Variants in PI4KA observed in about 807,000 individuals in gnomAD.
PI4KA encodes the protein phosphatidylinositol 4-kinase alpha.
PI4KA carries 122 observed loss-of-function variants against 271.4 expected under a neutral mutation model. The ratio of observed to expected loss-of-function variants is 0.45; its 90% CI spans 0.39 to 0.52. The LOEUF is 0.52. PI4KA is among the 20% of genes least tolerant of loss of function. The pLI is 0.00. For synonymous variants in PI4KA, 1,041 were observed against 1,078.8 expected (o/e 0.96, Z 0.69); for missense variants, 1,969 against 2,769.1 (o/e 0.71, Z 6.48).
Position 20,799,829 on chromosome 22 carries a change from T to A in PI4KA, c.1725-63A>T. 1.0e-5 allele frequency: 11 copies of A among 1,052,114 alleles called. No homozygotes were observed. The South Asian group carries it at 1.5e-4, about 14-fold the overall frequency. 65.2% of individuals were successfully genotyped at this position (1,052,114 alleles called of 1,614,324 possible). A position where few individuals can be genotyped will look rare whatever the true frequency, so the allele number is the denominator to read the frequency against. On this transcript the variant is annotated intron_variant, in intron 14 of 54. Transcript: ENST00000255882. ...AAACCAAGATAGGTTTTTTGTTTTT[T>A]AATTTTTCCTTCCTTAGGCCTACAA... is the stretch of plus-strand genomic sequence containing the variant.
intron 42 of PI4KA, chr22:20,725,577 GGA>G (rs1927245491): frequency 2.2e-6 from 1 of 450,168 alleles, no homozygotes; most frequent in Non-Finnish European, 4.5e-6. Flanking sequence ...GACCCTGTAA[GGA>G]CTCAGGGAGA....
At chr22:20,798,138 G>A (rs1416122779) in intron 17 of PI4KA, among the ~76,000 whole-genome samples, 1 of 152,198 alleles carries the variant, frequency 6.6e-6, no homozygotes, top group African/African-American at 2.4e-5. Context: ...GATGCTCAGA[G>A]ATATGTAGCT....
At chr22:20,824,762 ACACACACAC>A (rs1923167323) in intron 3 of PI4KA, among the ~76,000 whole-genome samples, 1 of 151,504 alleles carries the variant, frequency 6.6e-6, no homozygotes, top group Admixed American at 6.6e-5. Flanking sequence ...ACACACACAC[ACACACACAC>A]ACACACACAA....
At chr22:20,739,922 C>A (rs1001388682) in intron 32 of PI4KA, among the ~76,000 whole-genome samples, 16 of 152,108 alleles carry the variant, frequency 1.1e-4, no homozygotes, top group African/African-American at 3.9e-4. Flanking sequence ...ATTAGCCAGG[C>A]ATGATGGCTG....
intron 2 of PI4KA, among the ~76,000 whole-genome samples, chr22:20,837,627 C>T (rs935111170): frequency 2.6e-5 from 4 of 151,610 alleles, no homozygotes; most frequent in Non-Finnish European, 1.5e-5. Context: ...CCTAACACAG[C>T]ATAATTAACT....
intron 3 of PI4KA, among the ~76,000 whole-genome samples, chr22:20,830,793 C>CA: frequency 6.6e-6 from 1 of 152,076 alleles, no homozygotes; most frequent in Admixed American, 6.6e-5. Flanking sequence ...TTTTTTGAGA[C>CA]AGAGTTTCAT....
chr22:20,815,910 G>A (rs1271202237), intron 7 of PI4KA, among the ~76,000 whole-genome samples: 1 of 151,960 alleles, frequency 6.6e-6, no homozygotes, highest in East Asian at 1.9e-4. Context: ...TAACATTTGG[G>A]ATTTACGCAG....
intron 28 of PI4KA, among the ~76,000 whole-genome samples, chr22:20,748,659 G>C (rs116584125): frequency 1.5e-3 from 228 of 152,336 alleles, no homozygotes; most frequent in African/African-American, 5.3e-3. Flanking sequence ...CCCTTAAGAA[G>C]AAATGTACAG....
At chr22:20,847,371 G>T (rs1001401867) in intron 1 of PI4KA, among the ~76,000 whole-genome samples, 1 of 152,176 alleles carries the variant, frequency 6.6e-6, no homozygotes, top group Non-Finnish European at 1.5e-5. Context: ...AGGATTGCTT[G>T]AACCCAGGAG....
At chr22:20,758,475 T>C (rs1485453750) in intron 23 of PI4KA, among the ~76,000 whole-genome samples, 3 of 148,782 alleles carry the variant, frequency 2.0e-5, no homozygotes, top group Non-Finnish European at 4.5e-5. Flanking sequence ...TTTTTTTTTT[T>C]TTGCTCATTA....
intron 1 of PI4KA, among the ~76,000 whole-genome samples, chr22:20,854,016 G>C (rs1159755238): frequency 6.6e-6 from 1 of 151,712 alleles, no homozygotes; most frequent in Non-Finnish European, 1.5e-5. Flanking sequence ...TAGCAAGGCT[G>C]ACTTGCTGCT....
At chr22:20,854,830 C>T (rs771568412) in intron 1 of PI4KA, among the ~76,000 whole-genome samples, 4 of 152,106 alleles carry the variant, frequency 2.6e-5, no homozygotes, top group Non-Finnish European at 5.9e-5. Context: ...ATCTCAGGTG[C>T]GTACTCTAAA....
intron 19 of PI4KA, among the ~76,000 whole-genome samples, chr22:20,777,373 C>G (rs954915822): frequency 6.6e-6 from 1 of 152,024 alleles, no homozygotes; most frequent in East Asian, 1.9e-4. Flanking sequence ...TGCGCCACCA[C>G]GCCGGCTAAT....
In PI4KA at chr22:20,779,330, C is replaced by T. The variant is rs17819104; in HGVS notation, c.2329-13637G>A. ...CCGCCAAAATGAAACACTCATTAAA[C>T]GCACTTCTCATTTTCCTCATCATAA... is the stretch of plus-strand genomic sequence containing the variant. On this transcript the variant is annotated intron_variant, in intron 19 of 54. Coordinates refer to ENST00000255882, the MANE Select transcript of PI4KA (RefSeq NM_058004.4). The T allele has an allele frequency of 1.2e-3, 2,001 of 1,614,210 alleles. 31 individuals carry two copies. The East Asian group carries it at 0.03, about 24-fold the overall frequency.
intron 50 of PI4KA, among the ~76,000 whole-genome samples, chr22:20,712,043 G>C (rs551727662): frequency 6.8e-6 from 1 of 147,852 alleles, no homozygotes; most frequent in Admixed American, 6.8e-5. Context: ...CGCCCGGCCA[G>C]GTGCCCTGGT....
chr22:20,851,125 C>T (rs979084422), intron 1 of PI4KA, among the ~76,000 whole-genome samples: 3 of 151,922 alleles, frequency 2.0e-5, no homozygotes, highest in Non-Finnish European at 2.9e-5. Flanking sequence ...TTTGCGAGGC[C>T]GAAGTGGGCA....
intron 1 of PI4KA, among the ~76,000 whole-genome samples, chr22:20,853,906 T>C (rs1429820463): frequency 2.0e-5 from 3 of 148,082 alleles, no homozygotes; most frequent in Non-Finnish European, 4.4e-5. Flanking sequence ...GAGACCCCCA[T>C]CTCTAATTAA....
chr22:20,717,908 A>C, intron 44 of PI4KA, 130 bp from the exon 45 acceptor site: 1 of 670,644 alleles, frequency 1.5e-6, no homozygotes, highest in African/African-American at 1.8e-5. Context: ...CTCCTAGCGC[A>C]GCCAGGCACC....
intron 22 of PI4KA, among the ~76,000 whole-genome samples, chr22:20,763,663 C>T (rs994142003): frequency 1.3e-5 from 2 of 152,178 alleles, no homozygotes; most frequent in African/African-American, 4.8e-5. Context: ...TGGTCTCGAA[C>T]TACTGGCCTC....
Sources: gnomAD v4.1 joint callset for allele counts (sites outside exome capture counted in the v4.1 genomes callset) on GRCh38, gnomAD v4.1.1 for gene constraint, MANE v1.5 for transcripts, NCBI Gene and HGNC (gene_info 2026-07-23, HGNC 2026-07-21) for gene names.